SLC7A1: variants seen among roughly 807,000 people sequenced by gnomAD.
SLC7A1 encodes the protein high affinity cationic amino acid transporter 1.
SLC7A1 carries 10 observed loss-of-function variants against 53.9 expected under a neutral mutation model. The observed-to-expected ratio is 0.19, with a 90% CI of 0.11 to 0.31. The LOEUF (loss-of-function observed/expected upper bound fraction) is 0.31, where lower values mean the gene tolerates loss of function less well. SLC7A1 is among the 10% of genes least tolerant of loss of function. SLC7A1 has a pLI of 1.00. For missense variants in SLC7A1, 525 were observed against 827.2 expected, an observed-to-expected ratio of 0.63 and a Z score of 4.48; for synonymous variants, 342 against 338.7, an observed-to-expected ratio of 1.01 and a Z score of -0.11.
intron 1 of SLC7A1, among the ~76,000 whole-genome samples, chr13:29,582,708 C>T (rs1331621453): frequency 6.6e-6 from 1 of 152,208 alleles, no homozygotes; most frequent in Non-Finnish European, 1.5e-5. Context: ...ATGTGCATTT[C>T]AGGAGATCCC....
chr13:29,533,999 T>C (rs1869292309), intron 3 of SLC7A1, among the ~76,000 whole-genome samples: 2 of 152,208 alleles, frequency 1.3e-5, no homozygotes, highest in African/African-American at 4.8e-5. Flanking sequence ...CTCAGAAGTT[T>C]AACCACATTT....
intron 2 of SLC7A1, among the ~76,000 whole-genome samples, chr13:29,545,175 A>G (rs1225451202): frequency 6.6e-6 from 1 of 152,142 alleles, no homozygotes; most frequent in Non-Finnish European, 1.5e-5. Context: ...CCAACGAATA[A>G]ATTTGTTTCT....
At chr13:29,581,462 C>T (rs1299658422) in intron 1 of SLC7A1, among the ~76,000 whole-genome samples, 1 of 152,180 alleles carries the variant, frequency 6.6e-6, no homozygotes, top group East Asian at 1.9e-4. Flanking sequence ...TGCCCAGCAC[C>T]TTTGGGGTGA....
intron 2 of SLC7A1, among the ~76,000 whole-genome samples, chr13:29,540,151 A>C (rs780677095): frequency 6.6e-6 from 1 of 152,194 alleles, no homozygotes; most frequent in Non-Finnish European, 1.5e-5. Flanking sequence ...CAACCCCAGC[A>C]AGCAAAGTCA....
intron 5 of SLC7A1, 139 bp from the exon 6 acceptor site, chr13:29,524,392 GCTGAGTCCAGCCA>G: frequency 9.5e-7 from 1 of 1,056,354 alleles, no homozygotes; most frequent in East Asian, 2.6e-5. Context: ...GGCTTCAGAC[GCTGAGTCCAGCCA>G]CTGCATGCTA....
chr13:29,581,860 C>T (rs535545254), intron 1 of SLC7A1, among the ~76,000 whole-genome samples: 119 of 152,340 alleles, frequency 7.8e-4, no homozygotes, highest in African/African-American at 2.6e-3. Context: ...GGAGGAATCA[C>T]TTTGCATGTT....
intron 5 of SLC7A1, among the ~76,000 whole-genome samples, chr13:29,529,417 T>G (rs3783259): frequency 0.16 from 24,483 of 152,116 alleles, 3,311 homozygotes; most frequent in East Asian, 0.61. Context: ...CTTGCAGCTC[T>G]ATGTGGCCCC....
At chr13:29,537,485 A>G (rs755779964) in intron 2 of SLC7A1, among the ~76,000 whole-genome samples, 1 of 152,238 alleles carries the variant, frequency 6.6e-6, no homozygotes, top group Non-Finnish European at 1.5e-5. Flanking sequence ...GTGGGATCCT[A>G]TATGGGATCC....
At chr13:29,555,016 A>G (rs1220356370) in intron 1 of SLC7A1, among the ~76,000 whole-genome samples, 2 of 152,206 alleles carry the variant, frequency 1.3e-5, no homozygotes, top group African/African-American at 4.8e-5. Flanking sequence ...AGCAAGCTAT[A>G]GCCACCATGA....
chr13:29,592,466 C>T (rs1402074163), intron 1 of SLC7A1, among the ~76,000 whole-genome samples: 2 of 152,222 alleles, frequency 1.3e-5, no homozygotes, highest in Non-Finnish European at 2.9e-5. Context: ...GAACGAATGC[C>T]TTGGGAGAAA....
At chr13:29,522,484 G>C in intron 7 of SLC7A1, 28 bp from the exon 8 acceptor site, 3 of 1,613,850 alleles carry the variant, frequency 1.9e-6, no homozygotes, top group Non-Finnish European at 2.5e-6. Flanking sequence ...AACCGCGTGA[G>C]TGAACCTGGC....
At chr13:29,532,435 A>T (rs1289557942) in intron 4 of SLC7A1, among the ~76,000 whole-genome samples, 1 of 152,242 alleles carries the variant, frequency 6.6e-6, no homozygotes, top group African/African-American at 2.4e-5. Flanking sequence ...TCATTCCTCC[A>T]CATTTTCCTG....
chr13:29,535,124 G>C (rs984788271), intron 3 of SLC7A1, among the ~76,000 whole-genome samples: 1 of 152,166 alleles, frequency 6.6e-6, no homozygotes, highest in Admixed American at 6.5e-5. Flanking sequence ...CTGCTCCTTA[G>C]ACAGTTTTAA....
At chr13:29,549,837 G>T (rs1870094263) in intron 2 of SLC7A1, among the ~76,000 whole-genome samples, 1 of 152,042 alleles carries the variant, frequency 6.6e-6, no homozygotes, top group Non-Finnish European at 1.5e-5. Flanking sequence ...GTTAATTTTT[G>T]TATTTTTTTA....
chr13:29,517,638 G>A lies in SLC7A1; in HGVS notation c.1445C>T (p.Ser482Leu), dbSNP rs34072234. Residue 482 changes from serine to leucine, a missense_variant, in exon 10 of 13, where the codon TCA becomes TTA. By Grantham distance (145) the Ser-to-Leu change is moderately radical. Transcript: ENST00000380752. ...AEMFSLKTIL[S>L]PKNMEPSKIS... ...TTTGGAAGGCTCCATGTTTTTGGGT[G>A]AGAGTATGGTTTTCAAAGAGAACAT... 5.8e-4 allele frequency: 933 copies of A among 1,614,080 alleles called. 1 individual carries two copies. Among genetic ancestry groups the A allele is most frequent in the Non-Finnish European group, 7.6e-4 (896 of 1,180,030 alleles).
In SLC7A1 at chr13:29,532,967, G is replaced by C. The variant is rs139070266; in HGVS notation, c.386C>G (p.Ala129Gly). ...LSYIIGTSSV[A>G]RAWSATFDEL... ...GTCGAAGGTGGCGCTCCAGGCCCTC[G>C]CTACGCTTGAAGTACCTGCCACAAA... Residue 129 changes from alanine to glycine, a missense_variant, in exon 4 of 13, where the codon GCG (alanine) becomes GGG (glycine). Around this residue, in one of 4 missense-constraint regions of SLC7A1, gnomAD observed 354 missense variants for 587.5 expected, o/e 0.60. Transcript: ENST00000380752. 3.8e-5 allele frequency: 61 copies of C among 1,612,604 alleles called. No individual in the cohort carries two copies. The African/African-American group carries it at 6.0e-4, about 16-fold the overall frequency.
intron 1 of SLC7A1, among the ~76,000 whole-genome samples, chr13:29,581,353 C>A (rs1341998867): frequency 6.6e-6 from 1 of 152,070 alleles, no homozygotes; most frequent in Non-Finnish European, 1.5e-5. Context: ...TTGCTCTCTT[C>A]TTCCTTACTT....
chr13:29,547,544 T>C (rs564916048), intron 2 of SLC7A1, among the ~76,000 whole-genome samples: 27 of 152,350 alleles, frequency 1.8e-4, no homozygotes, highest in African/African-American at 6.0e-4. Flanking sequence ...AATAAGTGTA[T>C]ACAAAGAATT....
intron 2 of SLC7A1, among the ~76,000 whole-genome samples, chr13:29,552,618 C>A (rs1870250642): frequency 6.6e-6 from 1 of 152,354 alleles, no homozygotes; most frequent in Admixed American, 6.5e-5. Context: ...TCCTAAACCA[C>A]AAACATTATC....
Sources: allele counts gnomAD v4.1 joint callset (sites outside exome capture counted in the v4.1 genomes callset), GRCh38; gene constraint gnomAD v4.1.1; regional missense constraint gnomAD v4.1.1; transcripts MANE v1.5; gene names NCBI Gene and HGNC (gene_info 2026-07-23, HGNC 2026-07-21).